The following KCND2 variants were observed in gnomAD, a reference collection of about 807,000 sequenced individuals.
The protein encoded by KCND2 is potassium voltage-gated channel subfamily D member 2.
KCND2 carries 16 observed loss-of-function variants against 54.4 expected under a neutral mutation model. That is an observed-to-expected ratio of 0.29 (90% confidence interval 0.20 to 0.45). The LOEUF (loss-of-function observed/expected upper bound fraction) is 0.45, where lower values mean the gene tolerates loss of function less well. Among genes scored for constraint, KCND2 ranks in the 20% least tolerant of loss-of-function variants. The pLI is 1.00. For synonymous variants in KCND2, 317 were observed against 310.7 expected, an observed-to-expected ratio of 1.02 and a Z score of -0.21; for missense variants, 486 against 824.2, an observed-to-expected ratio of 0.59 and a Z score of 5.02.
chr7:120,273,895 G>A lies in KCND2; in HGVS notation c.-738G>A, dbSNP rs1183991671. 1 of 152,970 alleles carries A rather than the reference G, an allele frequency of 6.5e-6. No homozygotes were observed. Among genetic ancestry groups the A allele is most frequent in the Non-Finnish European group, 1.5e-5 (1 of 68,322 alleles). The allele number at this position is 152,970 out of a possible 1,614,324, so 9.5% of individuals were successfully genotyped here. A position where few individuals can be genotyped will look rare whatever the true frequency, so the allele number is the denominator to read the frequency against. On this transcript the variant is annotated 5_prime_UTR_variant, in exon 1 of 6. Coordinates refer to ENST00000331113, the MANE Select transcript of KCND2 (RefSeq NM_012281.3). ...GAGCTGAACTTGAAAAGAGAGTGAAGGGGCGATTGGGCGAACGCTTTTGGC... is the reference window on the plus strand; with the variant it reads ...GAGCTGAACTTGAAAAGAGAGTGAAAGGGCGATTGGGCGAACGCTTTTGGC...
rs116608921 is a variant in KCND2, at chr7:120,298,642, G to A, written c.1115+22895G>A. ...CATTGATTTAAACATTTATTTTAGTGTCTTCTTAACTGAATTCAAAACAAT... is the reference window on the plus strand; with the variant it reads ...CATTGATTTAAACATTTATTTTAGTATCTTCTTAACTGAATTCAAAACAAT... On this transcript the variant is annotated intron_variant, in intron 1 of 5. Coordinates refer to ENST00000331113, the MANE Select transcript of KCND2 (RefSeq NM_012281.3). 8.2e-3 allele frequency among the ~76,000 whole-genome samples: 1,243 copies of A among 152,246 alleles called. 14 individuals are homozygous for A. Among genetic ancestry groups the A allele is most frequent in the African/African-American group, 0.028 (1,166 of 41,546 alleles).
intron 1 of KCND2, among the ~76,000 whole-genome samples, chr7:120,289,037 A>AACAC (rs763897007): frequency 3.6e-3 from 227 of 62,212 alleles, no homozygotes; most frequent in African/African-American, 6.8e-3. Context: ...CAGAGACACA[A>AACAC]ACACACACAC....
At chr7:120,556,583 G>C (rs1247889314) in intron 1 of KCND2, among the ~76,000 whole-genome samples, 1 of 152,094 alleles carries the variant, frequency 6.6e-6, no homozygotes, top group Non-Finnish European at 1.5e-5. Flanking sequence ...TTTCTGGCAG[G>C]TTCTTTTAAG....
At chr7:120,488,224 C>A (rs1802722740) in intron 1 of KCND2, among the ~76,000 whole-genome samples, 1 of 152,028 alleles carries the variant, frequency 6.6e-6, no homozygotes, top group African/African-American at 2.4e-5. Flanking sequence ...TATGAAAAAA[C>A]CCATATAAAA....
intron 1 of KCND2, among the ~76,000 whole-genome samples, chr7:120,732,273 G>A (rs1792817726): frequency 6.6e-6 from 1 of 151,988 alleles, no homozygotes; most frequent in Non-Finnish European, 1.5e-5. Flanking sequence ...TGAGATAGGA[G>A]GGAAAATAAG....
chr7:120,443,385 TAAA>T (rs1301093393), intron 1 of KCND2, among the ~76,000 whole-genome samples: 38 of 146,102 alleles, frequency 2.6e-4, no homozygotes, highest in Non-Finnish European at 3.8e-4. Context: ...ATAATAATAA[TAAA>T]GTAATTGCTT....
Position 120,607,860 on chromosome 7 carries a change from C to A in KCND2, c.1116-125043C>A, listed in dbSNP as rs193036888. On this transcript the variant is annotated intron_variant, in intron 1 of 5. Transcript: ENST00000331113. Reference sequence around the variant, plus strand: ...TAGACAAAGGAAACAGAAAGAAAAACAACATGGACATTAAGAAAGCACTAG... The same window carrying A: ...TAGACAAAGGAAACAGAAAGAAAAAAAACATGGACATTAAGAAAGCACTAG... Among the ~76,000 whole-genome samples, 31 of 152,024 alleles carry A rather than the reference C, an allele frequency of 2.0e-4. No individual in the cohort carries two copies. In the East Asian group the frequency reaches 4.6e-3, roughly 23 times the overall value.
intron 1 of KCND2, among the ~76,000 whole-genome samples, chr7:120,620,104 TG>T (rs1214428489): frequency 1.3e-5 from 2 of 152,212 alleles, no homozygotes; most frequent in East Asian, 3.8e-4. Flanking sequence ...AGAATAATTT[TG>T]TAAGTACAAA....
intron 1 of KCND2, among the ~76,000 whole-genome samples, chr7:120,346,631 T>C (rs1187759859): frequency 6.6e-6 from 1 of 152,068 alleles, no homozygotes. Context: ...CTCTTTAATT[T>C]GTTTTGCTTT....
intron 1 of KCND2, among the ~76,000 whole-genome samples, chr7:120,601,884 C>T (rs1394197335): frequency 1.3e-5 from 2 of 152,164 alleles, no homozygotes; most frequent in Admixed American, 1.3e-4. Context: ...TATAGGTTCA[C>T]CTGCTCACGT....
At chr7:120,418,158 A>G (rs1258824453) in intron 1 of KCND2, among the ~76,000 whole-genome samples, 1 of 152,170 alleles carries the variant, frequency 6.6e-6, no homozygotes, top group Non-Finnish European at 1.5e-5. Flanking sequence ...TCTAAATCCT[A>G]TTAAGAGAGT....
intron 1 of KCND2, among the ~76,000 whole-genome samples, chr7:120,576,175 A>G (rs1223444857): frequency 5.9e-5 from 9 of 152,212 alleles, no homozygotes; most frequent in Non-Finnish European, 1.5e-5. Context: ...ATGCACACAC[A>G]CATACACACC....
intron 1 of KCND2, among the ~76,000 whole-genome samples, chr7:120,443,870 C>A (rs1296360477): frequency 2.0e-5 from 3 of 152,010 alleles, no homozygotes; most frequent in Non-Finnish European, 4.4e-5. Context: ...GCAGTTAATG[C>A]CAACAACACT....
At chr7:120,627,803 G>A (rs1793181366) in intron 1 of KCND2, among the ~76,000 whole-genome samples, 1 of 151,484 alleles carries the variant, frequency 6.6e-6, no homozygotes, top group African/African-American at 2.4e-5. Context: ...GTAATTTTAG[G>A]TGAATTTATA....
intron 1 of KCND2, among the ~76,000 whole-genome samples, chr7:120,708,122 A>G (rs557432955): frequency 6.6e-6 from 1 of 152,316 alleles, no homozygotes; most frequent in South Asian, 2.1e-4. Context: ...AAGAGCAGAA[A>G]GACACTTTTT....
At chr7:120,306,296 CTTTA>C (rs1157648054) in intron 1 of KCND2, among the ~76,000 whole-genome samples, 6 of 152,020 alleles carry the variant, frequency 3.9e-5, no homozygotes, top group Non-Finnish European at 5.9e-5. Context: ...TAGTAATCAA[CTTTA>C]TTTCTTTCTC....
In KCND2 at chr7:120,551,462, G is replaced by A. The variant is rs529971978; in HGVS notation, c.1116-181441G>A. Among the ~76,000 whole-genome samples the A allele has an allele frequency of 9.2e-5, 14 of 152,212 alleles. No homozygotes were observed. The East Asian group carries it at 2.7e-3, about 29-fold the overall frequency. On this transcript the variant is annotated intron_variant, in intron 1 of 5. Transcript: ENST00000331113. ...TAATTTTGAATCATTCAAAGTGAGT[G>A]GAGAAAATTTGAGATTGCATTTCCA...
chr7:120,466,937 C>T (rs1802379305), intron 1 of KCND2, among the ~76,000 whole-genome samples: 1 of 152,128 alleles, frequency 6.6e-6, no homozygotes, highest in Non-Finnish European at 1.5e-5. Flanking sequence ...GTCATTTCAA[C>T]CTCTGTGTCC....
chr7:120,315,280 G>A (rs964250877), intron 1 of KCND2, among the ~76,000 whole-genome samples: 3 of 152,102 alleles, frequency 2.0e-5, no homozygotes, highest in African/African-American at 7.2e-5. Flanking sequence ...ACAGACCCAA[G>A]AGTTTTCTGT....
Sources: allele counts gnomAD v4.1 joint callset (sites outside exome capture counted in the v4.1 genomes callset), GRCh38; gene constraint gnomAD v4.1.1; transcripts MANE v1.5; gene names NCBI Gene and HGNC (gene_info 2026-07-23, HGNC 2026-07-21).